KIAA1217: variants seen among roughly 807,000 people sequenced by gnomAD.
KIAA1217 encodes the protein sickle tail protein homolog.
In KIAA1217, 88 loss-of-function variants were observed where a neutral mutation model predicts 163.9. That is an observed-to-expected ratio of 0.54 (90% CI 0.45 to 0.64). The LOEUF is 0.64. Ranked by LOEUF, KIAA1217 falls within the 30% of genes least tolerant of loss-of-function variation. The pLI is 0.00. For missense variants in KIAA1217, 2,372 were observed against 2,475.0 expected (o/e 0.96, Z 0.88); for synonymous variants, 903 against 923.1 (o/e 0.98, Z 0.39).
At chr10:24,143,110 G>T (rs547486497) in intron 2 of KIAA1217, among the ~76,000 whole-genome samples, 2 of 152,300 alleles carry the variant, frequency 1.3e-5, no homozygotes, top group Non-Finnish European at 2.9e-5. Flanking sequence ...AAAGTTAAAA[G>T]TGAAATAGAC....
chr10:24,539,461 C>A (rs1252803077), intron 17 of KIAA1217, among the ~76,000 whole-genome samples: 2 of 151,956 alleles, frequency 1.3e-5, no homozygotes, highest in East Asian at 3.9e-4. Flanking sequence ...CAACTACTGA[C>A]CTCAGGTGAT....
intron 1 of KIAA1217, among the ~76,000 whole-genome samples, chr10:23,867,929 G>A (rs543219941): frequency 7.9e-5 from 12 of 152,206 alleles, no homozygotes; most frequent in African/African-American, 2.6e-4. Flanking sequence ...CCTTGCCCAC[G>A]CCTATGTCCT....
intron 6 of KIAA1217, 76 bp downstream of exon 6, chr10:24,474,136 C>A: frequency 9.4e-7 from 1 of 1,061,344 alleles, no homozygotes; most frequent in Non-Finnish European, 1.4e-6. Context: ...AGGGGTCAAA[C>A]CGACAGAATA....
At chr10:24,158,928 A>T (rs1266596760) in intron 2 of KIAA1217, 1 of 195,746 alleles carries the variant, frequency 5.1e-6, no homozygotes, top group Non-Finnish European at 1.1e-5. Context: ...TTCATTAAAG[A>T]TACAGCCTAT....
At chr10:23,856,424 G>T (rs914775861) in intron 1 of KIAA1217, among the ~76,000 whole-genome samples, 1 of 152,228 alleles carries the variant, frequency 6.6e-6, no homozygotes, top group African/African-American at 2.4e-5. Flanking sequence ...TGCCCCTACT[G>T]GAGGGTGCCT....
At chr10:24,033,649 A>G (rs1006075775) in intron 2 of KIAA1217, among the ~76,000 whole-genome samples, 3 of 152,234 alleles carry the variant, frequency 2.0e-5, no homozygotes, top group African/African-American at 7.2e-5. Flanking sequence ...ACCCATCTAG[A>G]CACAAAGGGA....
chr10:23,946,518 G>A (rs1482001160), intron 1 of KIAA1217, among the ~76,000 whole-genome samples: 1 of 152,152 alleles, frequency 6.6e-6, no homozygotes, highest in East Asian at 1.9e-4. Context: ...CTTATAACAA[G>A]ATATTTTCAA....
intron 1 of KIAA1217, among the ~76,000 whole-genome samples, chr10:23,826,026 G>A (rs1322527020): frequency 6.6e-6 from 1 of 152,064 alleles, no homozygotes; most frequent in Non-Finnish European, 1.5e-5. Context: ...TGCCTCCTGG[G>A]GTGGCCAGTA....
intron 2 of KIAA1217, among the ~76,000 whole-genome samples, chr10:24,161,229 C>T (rs566202258): frequency 1.3e-5 from 2 of 152,274 alleles, no homozygotes; most frequent in African/African-American, 2.4e-5. Flanking sequence ...GAAACTCCTT[C>T]GCCATAAAAT....
At chr10:24,156,249 A>G (rs891485738) in intron 2 of KIAA1217, among the ~76,000 whole-genome samples, 1 of 152,078 alleles carries the variant, frequency 6.6e-6, no homozygotes, top group African/African-American at 2.4e-5. Flanking sequence ...CCCTTTTTCA[A>G]CCAGCATAAT....
At chr10:24,116,502 A>C (rs553529049) in intron 2 of KIAA1217, among the ~76,000 whole-genome samples, 12 of 152,128 alleles carry the variant, frequency 7.9e-5, no homozygotes, top group Non-Finnish European at 1.6e-4. Flanking sequence ...AATATTTGCT[A>C]TCTGTTCCTT....
chr10:24,062,636 G>GGT (rs2060774262), intron 2 of KIAA1217, among the ~76,000 whole-genome samples: 1 of 151,314 alleles, frequency 6.6e-6, no homozygotes, highest in Admixed American at 6.6e-5. Context: ...TGATTTATAA[G>GGT]CCTTTGGGTA....
intron 1 of KIAA1217, among the ~76,000 whole-genome samples, chr10:23,755,660 C>T (rs548314342): frequency 1.3e-5 from 2 of 152,166 alleles, no homozygotes; most frequent in African/African-American, 4.8e-5. Flanking sequence ...GGGGAGAAGA[C>T]TTAATAGGTT....
Position 24,524,668 on chromosome 10 carries a change from GT to G in KIAA1217, c.2803del (p.Ser935ProfsTer6). The G allele has an allele frequency of 6.2e-7, 1 of 1,614,176 alleles. No homozygotes were observed. The highest frequency in any genetic ancestry group is 8.5e-7 in the Non-Finnish European group (1 of 1,180,024). ...STLQMSQAPQ[S>X]PQIPMNGSAM... The stretch of plus-strand genomic sequence containing the variant: ...CTCTGCAGATGTCGCAGGCTCCGCA[GT>G]CCCCACAGATACCCATGAATGGGTC... On this transcript the variant is annotated frameshift_variant, in exon 13 of 21. Transcript: ENST00000376454. LOFTEE classifies it high-confidence loss of function.
intron 2 of KIAA1217, among the ~76,000 whole-genome samples, chr10:24,293,829 GA>G (rs761277611): frequency 6.6e-6 from 1 of 152,226 alleles, no homozygotes; most frequent in Non-Finnish European, 1.5e-5. Flanking sequence ...ATAGAGTGCA[GA>G]AACCCTTTGC....
intron 1 of KIAA1217, among the ~76,000 whole-genome samples, chr10:24,002,215 G>A (rs769871443): frequency 7.9e-5 from 12 of 152,136 alleles, no homozygotes; most frequent in East Asian, 3.9e-4. Context: ...ATCTCTTACC[G>A]CCTAATTCTC....
intron 17 of KIAA1217, among the ~76,000 whole-genome samples, chr10:24,538,558 GAGGGAGGGAGGA>G (rs1310499744): frequency 3.4e-5 from 3 of 87,794 alleles, no homozygotes; most frequent in African/African-American, 9.9e-5. Context: ...TGGAGGGAGG[GAGGGAGGGAGGA>G]AGGAAGGAAG....
At chr10:24,522,901 G>A (rs1484532062) in intron 12 of KIAA1217, among the ~76,000 whole-genome samples, 3 of 152,138 alleles carry the variant, frequency 2.0e-5, no homozygotes, top group Non-Finnish European at 4.4e-5. Flanking sequence ...CTTGAACCCA[G>A]GAGGTGGAGG....
chr10:24,276,383 A>G (rs943979792), intron 2 of KIAA1217, among the ~76,000 whole-genome samples: 3 of 152,216 alleles, frequency 2.0e-5, no homozygotes, highest in Admixed American at 2.0e-4. Context: ...GTTTGAGGGC[A>G]TCCCTTCCTA....
Sources: allele counts gnomAD v4.1 joint callset (sites outside exome capture counted in the v4.1 genomes callset), GRCh38; gene constraint gnomAD v4.1.1; transcripts MANE v1.5; gene names NCBI Gene and HGNC (gene_info 2026-07-23, HGNC 2026-07-21).